Variants in CSNK1G1 observed in about 807,000 individuals in gnomAD.
The protein encoded by CSNK1G1 is casein kinase 1 gamma 1, also known as casein kinase I isoform gamma-1.
A neutral mutation model predicts 59.6 loss-of-function variants in CSNK1G1; 22 were observed. The ratio of observed to expected loss-of-function variants is 0.37; its 90% CI spans 0.26 to 0.53. The LOEUF is 0.53. Ranked by LOEUF, CSNK1G1 falls within the 20% of genes least tolerant of loss-of-function variation. The pLI is 0.89. For synonymous variants in CSNK1G1, 179 were observed against 177.1 expected (o/e 1.01, Z -0.08); for missense variants, 384 against 519.5 (o/e 0.74, Z 2.54).
intron 10 of CSNK1G1, chr15:64,181,695 C>T (rs2081815923): frequency 2.8e-6 from 1 of 359,036 alleles, no homozygotes; most frequent in Admixed American, 4.4e-5. Flanking sequence ...CAGTCTATGC[C>T]TAAGCTTCCT....
intron 2 of CSNK1G1, among the ~76,000 whole-genome samples, chr15:64,271,717 T>C (rs1348638781): frequency 6.6e-6 from 1 of 152,238 alleles, no homozygotes; most frequent in Non-Finnish European, 1.5e-5. Context: ...CATGTGGTGA[T>C]GAGAAGAATG....
intron 2 of CSNK1G1, among the ~76,000 whole-genome samples, chr15:64,293,394 T>C (rs1473491952): frequency 2.6e-5 from 4 of 152,240 alleles, no homozygotes; most frequent in African/African-American, 7.2e-5. Context: ...CACATTTAAG[T>C]AATACCATTT....
At position 64,166,835 on chromosome 15, in the gene CSNK1G1, A is replaced by G. The variant is rs2081608409; in HGVS notation, c.*5096T>C. ...CACCACACCCCCACTTATTACCATG[A>G]ATAATCCTCTGCTCTGAGACCTTAT... is the stretch of plus-strand genomic sequence containing the variant. On this transcript the variant is annotated 3_prime_UTR_variant, in exon 12 of 12. Coordinates refer to ENST00000303052, the MANE Select transcript of CSNK1G1 (RefSeq NM_022048.5). This position sits in a 1 kb window ranked among gnomAD's most constrained non-coding sequence, Gnocchi z 4.5. The G allele has an allele frequency of 6.6e-6, 1 of 152,656 alleles. No homozygotes were observed. Among genetic ancestry groups the G allele is most frequent in the South Asian group, 2.1e-4 (1 of 4,838 alleles). The allele number at this position is 152,656 out of a possible 1,614,324, so 9.5% of individuals were successfully genotyped here. A position where few individuals can be genotyped will look rare whatever the true frequency, so the allele number is the denominator to read the frequency against.
chr15:64,257,677 C>A (rs1892458009), intron 3 of CSNK1G1, among the ~76,000 whole-genome samples: 1 of 152,050 alleles, frequency 6.6e-6, no homozygotes, highest in African/African-American at 2.4e-5. Flanking sequence ...TGTGTGCCAG[C>A]ATACCTGACT....
intron 10 of CSNK1G1, among the ~76,000 whole-genome samples, chr15:64,196,858 A>T (rs2140237716): frequency 6.6e-6 from 1 of 152,154 alleles, no homozygotes; most frequent in South Asian, 2.1e-4. Context: ...GCTGCCAAAC[A>T]GAGGCAAAAT....
At chr15:64,172,890 G>C (rs1215832143) in intron 11 of CSNK1G1, among the ~76,000 whole-genome samples, 1 of 152,184 alleles carries the variant, frequency 6.6e-6, no homozygotes, top group Non-Finnish European at 1.5e-5. Context: ...CTTTAGAACA[G>C]GAAGTATCAC....
At chr15:64,284,711 C>T (rs1238778123) in intron 2 of CSNK1G1, among the ~76,000 whole-genome samples, 2 of 151,916 alleles carry the variant, frequency 1.3e-5, no homozygotes, top group Non-Finnish European at 2.9e-5. Flanking sequence ...ATTAGTATCT[C>T]TTAAATGTCT....
At chr15:64,303,441 C>A (rs944730768) in intron 1 of CSNK1G1, among the ~76,000 whole-genome samples, 5 of 151,350 alleles carry the variant, frequency 3.3e-5, no homozygotes, top group Admixed American at 1.3e-4. Context: ...ATACGGAGAC[C>A]CCATGTCTAC....
intron 11 of CSNK1G1, 125 bp from the exon 12 acceptor site, chr15:64,172,110 C>A: frequency 1.2e-6 from 1 of 811,320 alleles, no homozygotes; most frequent in Non-Finnish European, 2.1e-6. Context: ...GGACCACCCA[C>A]CATCTACAGT....
chr15:64,297,436 T>C (rs1895085592), intron 2 of CSNK1G1, among the ~76,000 whole-genome samples: 1 of 152,002 alleles, frequency 6.6e-6, no homozygotes, highest in African/African-American at 2.4e-5. Flanking sequence ...TGGTCAGGTG[T>C]GGCGGCTCAC....
chr15:64,178,785 C>CTT (rs1203692723), intron 11 of CSNK1G1, among the ~76,000 whole-genome samples: 1 of 151,042 alleles, frequency 6.6e-6, no homozygotes, highest in Non-Finnish European at 1.5e-5. Context: ...TGGCCAAAAA[C>CTT]TTTTGTGTGT....
chr15:64,254,442 C>CTCCTGGTTCAGCGATTT (rs1012333836), intron 3 of CSNK1G1, among the ~76,000 whole-genome samples: 5 of 151,696 alleles, frequency 3.3e-5, no homozygotes, highest in African/African-American at 1.2e-4. Context: ...CGACCTCTGC[C>CTCCTGGTTCAGCGATTT]TCCTGGTTCA....
chr15:64,217,523 A>T lies in CSNK1G1; in HGVS notation c.293-810T>A, dbSNP rs534288509. ...TGGTACCATGAGAATAGTAGATATT[A>T]AATAGGATTACAGACGCCAGGCGCA... On this transcript the variant is annotated intron_variant, in intron 4 of 11. Coordinates refer to ENST00000303052, the MANE Select transcript of CSNK1G1 (RefSeq NM_022048.5). Among the ~76,000 whole-genome samples, 45 of 152,356 alleles carry T rather than the reference A, an allele frequency of 3.0e-4. No homozygotes were observed. In the South Asian group the frequency reaches 8.9e-3, roughly 30 times the overall value.
chr15:64,268,193 G>A (rs1405963145), intron 2 of CSNK1G1, among the ~76,000 whole-genome samples: 1 of 152,166 alleles, frequency 6.6e-6, no homozygotes, highest in African/African-American at 2.4e-5. Flanking sequence ...AATAAACATG[G>A]AGAACATGTT....
chr15:64,252,134 T>C (rs994994409), intron 3 of CSNK1G1, among the ~76,000 whole-genome samples: 23 of 151,332 alleles, frequency 1.5e-4, no homozygotes, highest in Non-Finnish European at 2.7e-4. Context: ...ATATATAATA[T>C]AGACTAATGA....
Position 64,171,843 on chromosome 15 carries a change from A to G in CSNK1G1, c.*88T>C, listed in dbSNP as rs1439126762. On this transcript the variant is annotated 3_prime_UTR_variant, in exon 12 of 12. Coordinates refer to ENST00000303052, the MANE Select transcript of CSNK1G1 (RefSeq NM_022048.5). The surrounding 1 kb of genome is among the most constrained non-coding windows in gnomAD (Gnocchi z 4.8). ...TTTGGATATCCACCCTCCCCCAAAG[A>G]GGAGTCCCTTCCAATGAGAAATGGC... 2.1e-5 allele frequency: 24 copies of G among 1,145,028 alleles called. No homozygotes were observed. In the Admixed American group the frequency reaches 4.1e-4, roughly 20 times the overall value. The allele number at this position is 1,145,028 out of a possible 1,614,324, so 70.9% of individuals were successfully genotyped here.
chr15:64,263,198 CT>C (rs1224542645), intron 2 of CSNK1G1, among the ~76,000 whole-genome samples: 1 of 138,548 alleles, frequency 7.2e-6, no homozygotes, highest in African/African-American at 2.7e-5. Context: ...TTTCTTTTTT[CT>C]TTTTTTTGAG....
At chr15:64,259,691 A>G (rs1409551258) in intron 2 of CSNK1G1, among the ~76,000 whole-genome samples, 2 of 152,150 alleles carry the variant, frequency 1.3e-5, no homozygotes, top group Non-Finnish European at 2.9e-5. Flanking sequence ...TTTCGTGTCA[A>G]CTTTGGATGG....
rs1174951955 is a variant in CSNK1G1 at position 64,165,865 on chromosome 15, T to TA, written c.*6065dup. On this transcript the variant is annotated 3_prime_UTR_variant, in exon 12 of 12. Coordinates refer to ENST00000303052, the MANE Select transcript of CSNK1G1 (RefSeq NM_022048.5). The stretch of plus-strand genomic sequence containing the variant: ...TTCCATGGTGCCCTAGGAAATGGGC[T>TA]ACTCTGAGATCACATATCAGAACCC... 2.2e-6 allele frequency: 1 copy of TA among 454,478 alleles called. No individual in the cohort carries two copies. The highest frequency in any genetic ancestry group is 3.9e-6 in the Non-Finnish European group (1 of 257,322). The allele number at this position is 454,478 out of a possible 1,614,324, so 28.2% of individuals were successfully genotyped here.
Sources: allele counts gnomAD v4.1 joint callset (sites outside exome capture counted in the v4.1 genomes callset), GRCh38; gene constraint gnomAD v4.1.1; non-coding constraint Gnocchi (gnomAD v3.1); transcripts MANE v1.5; gene names NCBI Gene and HGNC (gene_info 2026-07-23, HGNC 2026-07-21).